IL2RB: variants seen among roughly 807,000 people sequenced by gnomAD.
IL2RB encodes interleukin 2 receptor subunit beta.
In IL2RB, 17 loss-of-function variants were observed where a neutral mutation model predicts 44.2. The ratio of observed to expected loss-of-function variants is 0.38; its 90% confidence interval spans 0.26 to 0.58. IL2RB has a LOEUF of 0.58. Ranked by LOEUF, IL2RB falls within the 20% of genes least tolerant of loss-of-function variation. The pLI is 0.63. For synonymous variants in IL2RB, 286 were observed against 297.9 expected (o/e 0.96, Z 0.41); for missense variants, 624 against 685.5 (o/e 0.91, Z 1.00).
At chr22:37,150,265 CA>C (rs965578130), upstream of IL2RB, among the ~76,000 whole-genome samples, 15 of 152,130 alleles carry the variant, frequency 9.9e-5, no homozygotes, top group African/African-American at 3.6e-4. Context: ...TCCATCCGGT[CA>C]CACACATACC....
intron 1 of IL2RB, among the ~76,000 whole-genome samples, chr22:37,149,341 A>T (rs1601606503): frequency 6.6e-6 from 1 of 151,948 alleles, no homozygotes; most frequent in South Asian, 2.1e-4. Flanking sequence ...CTCCAAGGGG[A>T]CCCTTCTGTC....
intron 9 of IL2RB, among the ~76,000 whole-genome samples, chr22:37,131,839 C>T (rs1005347417): frequency 4.6e-5 from 7 of 151,902 alleles, no homozygotes; most frequent in Non-Finnish European, 1.0e-4. Flanking sequence ...TGGGTTCAAG[C>T]GATTCCCCTG....
At position 37,141,460 on chromosome 22, in the gene IL2RB, G is replaced by T. The variant is rs1028942721; in HGVS notation, c.282+974C>A. 6.6e-6 allele frequency among the ~76,000 whole-genome samples: 1 copy of T among 152,144 alleles called. No individual in the cohort carries two copies. The highest frequency in any genetic ancestry group is 2.1e-4 in the South Asian group (1 of 4,824). On this transcript the variant is annotated intron_variant, in intron 4 of 9. Coordinates refer to ENST00000216223, the MANE Select transcript of IL2RB (RefSeq NM_000878.5). The surrounding 1 kb of genome is among the most constrained non-coding windows in gnomAD (Gnocchi z 4.4). ...CCGATCTGATCCTGGAGGCACAGTC[G>T]GGGCTACGCACTCTGTGGATCCAGT...
chr22:37,132,785 G>A (rs960775190), intron 8 of IL2RB, among the ~76,000 whole-genome samples: 1 of 152,200 alleles, frequency 6.6e-6, no homozygotes, highest in Non-Finnish European at 1.5e-5. Context: ...GGGAGGTGGG[G>A]GTCGATGGGG....
At chr22:37,158,391 T>C (rs1217856586) in intron 1 of IL2RB, among the ~76,000 whole-genome samples, 2 of 151,544 alleles carry the variant, frequency 1.3e-5, no homozygotes, top group Non-Finnish European at 2.9e-5. Flanking sequence ...CTACCAAAAA[T>C]AAAAATTAAA....
At chr22:37,142,559 C>T (rs1439264416) in intron 3 of IL2RB, 47 bp from the exon 4 acceptor site, 2 of 1,572,114 alleles carry the variant, frequency 1.3e-6, no homozygotes, top group Middle Eastern at 1.7e-4. Context: ...AGGACCCACA[C>T]AGCTGGCCCA....
At chr22:37,147,458 T>C (rs773477525) in intron 1 of IL2RB, among the ~76,000 whole-genome samples, 3 of 152,264 alleles carry the variant, frequency 2.0e-5, no homozygotes, top group African/African-American at 7.2e-5. Flanking sequence ...TTCTGTGTAC[T>C]GAGCACATAC....
intron 4 of IL2RB, among the ~76,000 whole-genome samples, chr22:37,139,999 C>T (rs975029676): frequency 6.6e-6 from 1 of 152,206 alleles, no homozygotes. Flanking sequence ...GCCGAGTGAG[C>T]AGCTTAAGGC....
At chr22:37,164,653 T>C (rs2145739270) in intron 1 of IL2RB, among the ~76,000 whole-genome samples, 1 of 152,140 alleles carries the variant, frequency 6.6e-6, no homozygotes, top group African/African-American at 2.4e-5. Context: ...TGTCTGTCCC[T>C]TCTCAGGCCC....
At chr22:37,130,455 G>A (rs1601594676) in intron 9 of IL2RB, among the ~76,000 whole-genome samples, 1 of 152,254 alleles carries the variant, frequency 6.6e-6, no homozygotes, top group African/African-American at 2.4e-5. Flanking sequence ...CCTGGGAAGT[G>A]GGGGTGGGCC....
upstream of IL2RB, among the ~76,000 whole-genome samples, chr22:37,152,929 C>CTTTTTTT (rs67046193): frequency 3.9e-3 from 337 of 86,980 alleles, 16 homozygotes; most frequent in African/African-American, 9.5e-3. Context: ...GCTGTGGCCT[C>CTTTTTTT]TTTTTTTTTT....
chr22:37,164,749 G>A (rs968787225), intron 1 of IL2RB, among the ~76,000 whole-genome samples: 2 of 152,228 alleles, frequency 1.3e-5, no homozygotes, highest in Middle Eastern at 3.4e-3. Flanking sequence ...AGAGAGCAGA[G>A]GGCCACCAGG....
chr22:37,158,908 C>T (rs898220186), intron 1 of IL2RB, among the ~76,000 whole-genome samples: 4 of 152,164 alleles, frequency 2.6e-5, no homozygotes, highest in Admixed American at 1.3e-4. Flanking sequence ...CTGAGAGCAC[C>T]CAGGGAGGAA....
At position 37,128,437 on chromosome 22, in the gene IL2RB, T is replaced by C. The variant is rs751144068; in HGVS notation, c.1315A>G (p.Ser439Gly). 1.0e-5 allele frequency: 16 copies of C among 1,541,308 alleles called. No individual in the cohort carries two copies. In the Admixed American group the frequency reaches 2.7e-4, roughly 26 times the overall value. ...LFSPSLLGGP[S>G]PPSTAPGGSG... is the part of the protein sequence containing the mutation. ...CCCCCAGGGGCAGTGCTTGGGGGGC[T>C]GGGGCCACCGAGGAGACTGGGGGAG... Residue 439 changes from serine (S) to glycine (G), a missense_variant, in exon 10 of 10, where the codon AGC (serine) becomes GGC (glycine). Physicochemically the swap from Ser to Gly is moderately conservative, Grantham distance 56 (BLOSUM62 0). Transcript: ENST00000216223. This position sits in a 1 kb window ranked among gnomAD's most constrained non-coding sequence, Gnocchi z 4.5.
chr22:37,142,375 C>A, intron 4 of IL2RB, 59 bp downstream of exon 4: 1 of 1,504,066 alleles, frequency 6.6e-7, no homozygotes, highest in East Asian at 2.3e-5. Flanking sequence ...CCTGAGATCG[C>A]AGCCCGGAGC....
Position 37,143,580 on chromosome 22 carries a change from C to T in IL2RB, c.144G>A (p.Trp48Ter). The change falls in exon 3 of 10, where the codon TGG (tryptophan) becomes TGA (stop). Residue 48 changes from tryptophan to a stop codon, truncating the protein, a stop_gained. Transcript: ENST00000216223. LOFTEE classifies it high-confidence loss of function. ...YNSRANISCV[W>*]SQDGALQDTS... ...TGTCCTGCAGAGCCCCATCTTGGCT[C>T]CAGACACAGGAGATGTTGGCTCTCG... The T allele has an allele frequency of 6.2e-7, 1 of 1,614,104 alleles. No individual in the cohort carries two copies. The highest frequency in any genetic ancestry group is 8.5e-7 in the Non-Finnish European group (1 of 1,180,016).
intron 1 of IL2RB, among the ~76,000 whole-genome samples, chr22:37,158,526 C>T (rs542215935): frequency 4.6e-5 from 7 of 151,964 alleles, no homozygotes; most frequent in African/African-American, 7.3e-5. Flanking sequence ...CAACCGCACT[C>T]GAGCCTGGGT....
chr22:37,139,354 GT>G, intron 4 of IL2RB, 132 bp from the exon 5 acceptor site: 1 of 633,170 alleles, frequency 1.6e-6, no homozygotes, highest in Non-Finnish European at 2.9e-6. Context: ...GGCAGCAAAT[GT>G]TTTCTGTAAA....
chr22:37,130,081 CTCAATTAAA>C (rs1207908855), intron 9 of IL2RB, among the ~76,000 whole-genome samples: 1 of 152,140 alleles, frequency 6.6e-6, no homozygotes, highest in Non-Finnish European at 1.5e-5. Context: ...GCACACACCA[CTCAATTAAA>C]TCCGCCCCCT....
Sources: gnomAD v4.1 joint callset for allele counts (sites outside exome capture counted in the v4.1 genomes callset) on GRCh38, gnomAD v4.1.1 for gene constraint, Gnocchi (gnomAD v3.1) non-coding constraint, MANE v1.5 for transcripts, NCBI Gene and HGNC (gene_info 2026-07-23, HGNC 2026-07-21) for gene names.